The following RIMKLB variants were observed in gnomAD, a reference collection of about 807,000 sequenced individuals.
RIMKLB encodes the protein beta-citrylglutamate synthase B.
Under a neutral mutation model 32.0 loss-of-function variants are expected in RIMKLB, and 7 were observed. The ratio of observed to expected loss-of-function variants is 0.22; its 90% CI spans 0.12 to 0.41. The LOEUF (loss-of-function observed/expected upper bound fraction) is 0.41. RIMKLB is among the 10% of genes least tolerant of loss of function. The pLI, the probability that RIMKLB is intolerant of heterozygous loss-of-function variation, is 1.00. For missense variants in RIMKLB, 289 were observed against 498.7 expected (o/e 0.58, Z 4.00); for synonymous variants, 172 against 185.1 (o/e 0.93, Z 0.57).
intron 5 of RIMKLB, among the ~76,000 whole-genome samples, chr12:8,763,374 C>A (rs1949695191): frequency 6.6e-6 from 1 of 152,168 alleles, no homozygotes; most frequent in Admixed American, 6.5e-5. Context: ...TGGAAAGCCG[C>A]TTTTGCTTTA....
At chr12:8,718,661 A>ATGTGTGTGTGTGTGTG (rs1287877829) in intron 2 of RIMKLB, among the ~76,000 whole-genome samples, 5 of 118,400 alleles carry the variant, frequency 4.2e-5, no homozygotes, top group African/African-American at 1.5e-4. Flanking sequence ...CTCTATATAT[A>ATGTGTGTGTGTGTGTG]TATATATATG....
chr12:8,695,228 G>A (rs540329933), upstream of RIMKLB, among the ~76,000 whole-genome samples: 797 of 38,140 alleles, frequency 0.021, 5 homozygotes, highest in Middle Eastern at 0.05. Context: ...CGACACCTCC[G>A]AACTTCCTGA....
intron 1 of RIMKLB, among the ~76,000 whole-genome samples, chr12:8,691,665 A>C (rs1263278015): frequency 1.3e-5 from 2 of 152,202 alleles, no homozygotes; most frequent in Non-Finnish European, 2.9e-5. Flanking sequence ...TTAAGAATTT[A>C]GATTGAATAG....
At chr12:8,731,140 A>G (rs1170489369) in intron 2 of RIMKLB, among the ~76,000 whole-genome samples, 1 of 151,692 alleles carries the variant, frequency 6.6e-6, no homozygotes, top group Non-Finnish European at 1.5e-5. Flanking sequence ...CTTGTCGCCC[A>G]GGCTGGAGTG....
chr12:8,736,766 G>A (rs80326316), intron 2 of RIMKLB, among the ~76,000 whole-genome samples: 5,733 of 151,674 alleles, frequency 0.038, 328 homozygotes, highest in African/African-American at 0.12. Context: ...GATTATAGAT[G>A]TGAGCCACCT....
intron 2 of RIMKLB, among the ~76,000 whole-genome samples, chr12:8,748,688 A>T (rs889657779): frequency 1.3e-5 from 2 of 151,652 alleles, no homozygotes; most frequent in South Asian, 4.2e-4. Flanking sequence ...TCATGCCTGT[A>T]AGCATTTTGG....
intron 2 of RIMKLB, among the ~76,000 whole-genome samples, chr12:8,722,298 A>G (rs747632250): frequency 6.6e-6 from 1 of 151,784 alleles, no homozygotes; most frequent in Non-Finnish European, 1.5e-5. Flanking sequence ...AATAATGTTA[A>G]TCTTTTTATA....
At chr12:8,746,126 G>A (rs930919078) in intron 2 of RIMKLB, among the ~76,000 whole-genome samples, 1 of 151,676 alleles carries the variant, frequency 6.6e-6, no homozygotes, top group Non-Finnish European at 1.5e-5. Flanking sequence ...CATTACCAAC[G>A]TCTTTCCTAT....
rs1165650313 is a variant in RIMKLB, at chr12:8,776,956, A to G, written c.*3172A>G. On this transcript the variant is annotated 3_prime_UTR_variant, in exon 6 of 6. Transcript: ENST00000535829. ...AGTTTGGGGCTTGTGGGGCTTAGAG[A>G]CATTGTGAAATCAAATCTTGTGTTA... 1 of 985,832 alleles carries G rather than the reference A, an allele frequency of 1.0e-6. No homozygotes were observed. The highest frequency in any genetic ancestry group is 1.1e-4 in the East Asian group (1 of 8,818). The allele number at this position is 985,832 out of a possible 1,614,324, so 61.1% of individuals were successfully genotyped here.
At chr12:8,713,640 T>C (rs1591692600) in intron 1 of RIMKLB, 171 bp from the exon 2 acceptor site, 1 of 500,184 alleles carries the variant, frequency 2.0e-6, no homozygotes, top group African/African-American at 1.9e-5. Context: ...TCAGTTTCCA[T>C]ATTACTAGTG....
intron 2 of RIMKLB, among the ~76,000 whole-genome samples, chr12:8,729,906 TTTTGA>T (rs1171936418): frequency 4.6e-5 from 7 of 152,310 alleles, no homozygotes; most frequent in African/African-American, 1.4e-4. Context: ...CCCATTGTGG[TTTTGA>T]TTTGTGTTTC....
chr12:8,775,828 T>G lies in RIMKLB; in HGVS notation c.*2044T>G. ...CATAAGAGGAGTTTGTAATTTATCT[T>G]AGGATATTCTAATTGCATTTAAAAG... On this transcript the variant is annotated 3_prime_UTR_variant, in exon 6 of 6. Transcript: ENST00000535829. 1 of 984,916 alleles carries G rather than the reference T, an allele frequency of 1.0e-6. No homozygotes were observed. The highest frequency in any genetic ancestry group is 4.7e-5 in the South Asian group (1 of 21,272). 61.0% of individuals were successfully genotyped at this position (984,916 alleles called of 1,614,324 possible).
In RIMKLB at chr12:8,776,988, T is replaced by C. The variant is rs1252512642; in HGVS notation, c.*3204T>C. Reference sequence around the variant, plus strand: ...GAAATCAAATCTTGTGTTATACTTTTCTCCTGGCTCACTTTTTTTGAGAAG... The same window carrying C: ...GAAATCAAATCTTGTGTTATACTTTCCTCCTGGCTCACTTTTTTTGAGAAG... On this transcript the variant is annotated 3_prime_UTR_variant, in exon 6 of 6. Coordinates refer to ENST00000535829, the MANE Select transcript of RIMKLB (RefSeq NM_001297776.2). 2.0e-6 allele frequency: 2 copies of C among 985,850 alleles called. No homozygotes were observed. Among genetic ancestry groups the C allele is most frequent in the South Asian group, 9.4e-5 (2 of 21,290 alleles). 61.1% of individuals were successfully genotyped at this position (985,850 alleles called of 1,614,324 possible). A position where few individuals can be genotyped will look rare whatever the true frequency, so the allele number is the denominator to read the frequency against.
At chr12:8,705,369 CAGG>C (rs970168038) in intron 1 of RIMKLB, among the ~76,000 whole-genome samples, 2 of 150,922 alleles carry the variant, frequency 1.3e-5, no homozygotes, top group African/African-American at 4.9e-5. Context: ...CCCAGCTACT[CAGG>C]AGGCTGAGGC....
At position 8,698,048 on chromosome 12, in the gene RIMKLB, T is replaced by C; in HGVS notation, c.-306T>C. On this transcript the variant is annotated 5_prime_UTR_variant, in exon 1 of 6. Transcript: ENST00000535829. ...GGGTGTGAGTGTGTGGGAGTGAGAG[T>C]GTGTGGGAGTGGGGTGAGGGAGAAG... 1 of 223,090 alleles carries C rather than the reference T, an allele frequency of 4.5e-6. No individual in the cohort carries two copies. Among genetic ancestry groups the C allele is most frequent in the Non-Finnish European group, 9.3e-6 (1 of 107,340 alleles). The allele number at this position is 223,090 out of a possible 1,614,324, so 13.8% of individuals were successfully genotyped here.
At chr12:8,685,738 G>A (rs757274022) in intron 1 of RIMKLB, among the ~76,000 whole-genome samples, 39 of 150,150 alleles carry the variant, frequency 2.6e-4, no homozygotes, top group African/African-American at 9.1e-4. Context: ...TCCGCCTTCC[G>A]GTTCAAGTGA....
intron 5 of RIMKLB, among the ~76,000 whole-genome samples, chr12:8,761,234 A>T (rs1340975480): frequency 6.7e-6 from 1 of 149,862 alleles, no homozygotes; most frequent in African/African-American, 2.5e-5. Flanking sequence ...AACCCGGTTA[A>T]CTCAGGTGGT....
chr12:8,698,646 C>T (rs1172325103), intron 1 of RIMKLB, among the ~76,000 whole-genome samples: 1 of 152,078 alleles, frequency 6.6e-6, no homozygotes, highest in Non-Finnish European at 1.5e-5. Flanking sequence ...CCCGGGAACG[C>T]CGGCTGGAGT....
At chr12:8,772,253 A>G (rs1226760587) in intron 5 of RIMKLB, among the ~76,000 whole-genome samples, 2 of 152,174 alleles carry the variant, frequency 1.3e-5, no homozygotes, top group African/African-American at 2.4e-5. Context: ...TGATTTTCTA[A>G]GTCAACTCTC....
Sources: gnomAD v4.1 joint callset for allele counts (sites outside exome capture counted in the v4.1 genomes callset) on GRCh38, gnomAD v4.1.1 for gene constraint, MANE v1.5 for transcripts, NCBI Gene and HGNC (gene_info 2026-07-23, HGNC 2026-07-21) for gene names.